Variants in TRPC6 observed in about 807,000 individuals in gnomAD.
TRPC6 encodes transient receptor potential cation channel subfamily C member 6.
Under a neutral mutation model 90.7 loss-of-function variants are expected in TRPC6, and 55 were observed. The ratio of observed to expected loss-of-function variants is 0.61; its 90% CI spans 0.49 to 0.76. The LOEUF (loss-of-function observed/expected upper bound fraction) is 0.76, where lower values mean the gene tolerates loss of function less well. Among genes scored for constraint, TRPC6 ranks in the 30% least tolerant of loss-of-function variants. The pLI is 0.00. For missense variants in TRPC6, 989 were observed against 1,122.7 expected (o/e 0.88, Z 1.70); for synonymous variants, 393 against 393.0 (o/e 1.00, Z 0.00).
At chr11:101,575,070 T>C (rs1862042474) in intron 1 of TRPC6, among the ~76,000 whole-genome samples, 1 of 152,164 alleles carries the variant, frequency 6.6e-6, no homozygotes, top group Admixed American at 6.6e-5. Context: ...AACTTATATT[T>C]TTAGACGAAT....
intron 1 of TRPC6, among the ~76,000 whole-genome samples, chr11:101,533,649 C>T (rs769995747): frequency 6.6e-6 from 1 of 152,266 alleles, no homozygotes; most frequent in East Asian, 1.9e-4. Context: ...CCTGACCATA[C>T]TGGGATCTTG....
chr11:101,532,529 G>T (rs1860931133), intron 1 of TRPC6, among the ~76,000 whole-genome samples: 1 of 152,146 alleles, frequency 6.6e-6, no homozygotes, highest in South Asian at 2.1e-4. Flanking sequence ...CATGGCATGA[G>T]AACAACTGAA....
At chr11:101,466,452 T>C (rs1223515629) in intron 10 of TRPC6, among the ~76,000 whole-genome samples, 1 of 152,268 alleles carries the variant, frequency 6.6e-6, no homozygotes, top group Non-Finnish European at 1.5e-5. Flanking sequence ...CTTGCTGAGC[T>C]GCAGTGGGCT....
chr11:101,541,104 T>C (rs1001110085), intron 1 of TRPC6, among the ~76,000 whole-genome samples: 5 of 152,210 alleles, frequency 3.3e-5, no homozygotes, highest in African/African-American at 4.8e-5. Context: ...TGTATATTAA[T>C]GTTCATAAGT....
At chr11:101,455,753 T>G (rs1858868620) in intron 10 of TRPC6, among the ~76,000 whole-genome samples, 1 of 152,224 alleles carries the variant, frequency 6.6e-6, no homozygotes, top group African/African-American at 2.4e-5. Context: ...ATGCATTTTC[T>G]GAATTAAAAT....
chr11:101,541,840 T>C (rs888909931), intron 1 of TRPC6, among the ~76,000 whole-genome samples: 6 of 152,176 alleles, frequency 3.9e-5, no homozygotes, highest in Non-Finnish European at 7.3e-5. Context: ...ATGTTTAACA[T>C]TGGTAACGAC....
At chr11:101,489,519 T>C (rs1057248827) in intron 3 of TRPC6, among the ~76,000 whole-genome samples, 3 of 152,186 alleles carry the variant, frequency 2.0e-5, no homozygotes, top group Non-Finnish European at 4.4e-5. Flanking sequence ...ACAGAGTTTA[T>C]ACTAAATTCC....
chr11:101,561,924 G>A (rs1861723483), intron 1 of TRPC6, among the ~76,000 whole-genome samples: 1 of 151,550 alleles, frequency 6.6e-6, no homozygotes, highest in Non-Finnish European at 1.5e-5. Context: ...ACATTAAAAT[G>A]CTTTTAAAAG....
At chr11:101,472,362 TAAG>T (rs1859311980) in intron 7 of TRPC6, 30 bp from the exon 8 acceptor site, 6 of 1,586,484 alleles carry the variant, frequency 3.8e-6, no homozygotes, top group Admixed American at 1.7e-5. Flanking sequence ...AGAAAAGAAA[TAAG>T]AAAGTGTATA....
At chr11:101,528,081 A>C (rs1860823523) in intron 1 of TRPC6, among the ~76,000 whole-genome samples, 1 of 151,986 alleles carries the variant, frequency 6.6e-6, no homozygotes, top group Admixed American at 6.6e-5. Context: ...TCAAAAAAAT[A>C]TATATATATA....
rs758017614 is a variant in TRPC6, at chr11:101,488,928, C to T, written c.1293+9G>A. On this transcript the variant is annotated intron_variant, in intron 4 of 12. Coordinates refer to ENST00000344327, the MANE Select transcript of TRPC6 (RefSeq NM_004621.6). Reference sequence around the variant, plus strand: ...GTAGATAATAGAGGTCCAGGCTTCACATACATACCTTGCTGCATGGAGCAA... The same window carrying T: ...GTAGATAATAGAGGTCCAGGCTTCATATACATACCTTGCTGCATGGAGCAA... 9 of 1,611,060 alleles carry T rather than the reference C, an allele frequency of 5.6e-6. No homozygotes were observed. In the East Asian group the frequency reaches 1.8e-4, roughly 32 times the overall value.
chr11:101,512,103 G>A (rs1860408080), intron 1 of TRPC6, among the ~76,000 whole-genome samples: 2 of 152,116 alleles, frequency 1.3e-5, no homozygotes, highest in Admixed American at 6.5e-5. Flanking sequence ...TCTTCACAGT[G>A]AACTCCCAAA....
intron 2 of TRPC6, among the ~76,000 whole-genome samples, chr11:101,496,503 AG>A (rs1859952921): frequency 6.6e-6 from 1 of 152,230 alleles, no homozygotes; most frequent in African/African-American, 2.4e-5. Flanking sequence ...AAAGGTAAAA[AG>A]AAATGGAATA....
chr11:101,537,595 G>C (rs764496571), intron 1 of TRPC6, among the ~76,000 whole-genome samples: 2 of 152,120 alleles, frequency 1.3e-5, no homozygotes, highest in African/African-American at 4.8e-5. Context: ...TTCATGAAGG[G>C]ATCTTGGGAA....
intron 2 of TRPC6, among the ~76,000 whole-genome samples, chr11:101,493,561 C>T (rs1241711126): frequency 6.6e-6 from 1 of 152,154 alleles, no homozygotes; most frequent in Non-Finnish European, 1.5e-5. Flanking sequence ...CTTTATCTCT[C>T]TTATTTGTAG....
intron 1 of TRPC6, among the ~76,000 whole-genome samples, chr11:101,507,686 T>G (rs1860306848): frequency 6.6e-6 from 1 of 152,108 alleles, no homozygotes; most frequent in Non-Finnish European, 1.5e-5. Flanking sequence ...AAATTATAGT[T>G]TTGTGGCTAC....
chr11:101,522,510 ACAGT>A (rs1308313842), intron 1 of TRPC6, among the ~76,000 whole-genome samples: 4 of 152,318 alleles, frequency 2.6e-5, no homozygotes, highest in Admixed American at 6.5e-5. Flanking sequence ...ACAGACTAAC[ACAGT>A]CACCTTCTCA....
chr11:101,528,616 T>C (rs1860838280), intron 1 of TRPC6, among the ~76,000 whole-genome samples: 1 of 152,210 alleles, frequency 6.6e-6, no homozygotes, highest in South Asian at 2.1e-4. Context: ...TTGTACTAAC[T>C]CTTATGTGTA....
At chr11:101,582,709 G>T (rs1424351619) in intron 1 of TRPC6, among the ~76,000 whole-genome samples, 1 of 152,080 alleles carries the variant, frequency 6.6e-6, no homozygotes, top group Non-Finnish European at 1.5e-5. Flanking sequence ...GGGTGAAAAG[G>T]TTCGCGCCGC....
Sources: gnomAD v4.1 joint callset for allele counts (sites outside exome capture counted in the v4.1 genomes callset) on GRCh38, gnomAD v4.1.1 for gene constraint, MANE v1.5 for transcripts, NCBI Gene and HGNC (gene_info 2026-07-23, HGNC 2026-07-21) for gene names.